PROM1: variants seen among roughly 807,000 people sequenced by gnomAD.
The protein encoded by PROM1 is prominin 1, also known as prominin-1.
PROM1 carries 105 observed loss-of-function variants against 116.9 expected under a neutral mutation model. The ratio of observed to expected loss-of-function variants is 0.90; its 90% CI spans 0.77 to 1.06. The LOEUF (loss-of-function observed/expected upper bound fraction) is 1.06. PROM1 is among the 50% of genes least tolerant of loss of function. The pLI is 0.00. For missense variants in PROM1, 1,122 were observed against 1,045.2 expected, an observed-to-expected ratio of 1.07 and a Z score of -1.01; for synonymous variants, 393 against 387.0, an observed-to-expected ratio of 1.02 and a Z score of -0.18.
At chr4:15,978,530 AC>A (rs1319858967) in intron 26 of PROM1, among the ~76,000 whole-genome samples, 1 of 152,236 alleles carries the variant, frequency 6.6e-6, no homozygotes, top group Non-Finnish European at 1.5e-5. Flanking sequence ...CTGTGGGCTT[AC>A]CTGAATGTGG....
At chr4:16,077,404 T>C (rs968183193) in intron 1 of PROM1, among the ~76,000 whole-genome samples, 46 of 152,150 alleles carry the variant, frequency 3.0e-4, no homozygotes, top group Non-Finnish European at 5.3e-4. Flanking sequence ...TCTCCACTAT[T>C]ATCCTGTGAC....
intron 2 of PROM1, among the ~76,000 whole-genome samples, chr4:16,067,091 C>T (rs1360303001): frequency 1.3e-5 from 2 of 152,146 alleles, no homozygotes; most frequent in African/African-American, 4.8e-5. Context: ...CGTCACCTGC[C>T]ACTCAAACCC....
chr4:16,013,115 G>C (rs16892779), intron 11 of PROM1, among the ~76,000 whole-genome samples, 160 bp downstream of exon 11: 5,531 of 152,128 alleles, frequency 0.036, 274 homozygotes, highest in African/African-American at 0.11. Flanking sequence ...GTTTTTAACT[G>C]TCCGAATGAC....
intron 11 of PROM1, among the ~76,000 whole-genome samples, chr4:16,009,315 C>A (rs1405680155): frequency 2.0e-5 from 3 of 152,244 alleles, no homozygotes; most frequent in Non-Finnish European, 4.4e-5. Flanking sequence ...GCTGTGAGCA[C>A]TGACTTTAAT....
intron 1 of PROM1, among the ~76,000 whole-genome samples, chr4:16,078,871 T>G (rs1341091624): frequency 6.6e-6 from 1 of 152,152 alleles, no homozygotes; most frequent in Non-Finnish European, 1.5e-5. Context: ...CTCCAATTAC[T>G]CCTGCACAAA....
At chr4:16,023,556 G>A (rs750615525) in intron 7 of PROM1, 141 bp from the exon 8 acceptor site, 58 of 627,254 alleles carry the variant, frequency 9.2e-5, no homozygotes, top group South Asian at 7.9e-5. Context: ...GGTTAAACTC[G>A]TGTATGGAGA....
At chr4:16,045,206 G>A (rs1157232913) in intron 2 of PROM1, among the ~76,000 whole-genome samples, 2 of 152,130 alleles carry the variant, frequency 1.3e-5, no homozygotes, top group African/African-American at 4.8e-5. Flanking sequence ...GCAGCTAAGA[G>A]GGACCAGGGG....
intron 5 of PROM1, among the ~76,000 whole-genome samples, chr4:16,026,144 C>G (rs1174586209): frequency 1.3e-5 from 2 of 152,120 alleles, no homozygotes; most frequent in South Asian, 2.1e-4. Context: ...TGAAAGGCAT[C>G]TTACAGGAAA....
At chr4:15,980,946 G>GTTATTTAT (rs59408018) in intron 23 of PROM1, among the ~76,000 whole-genome samples, 28,590 of 145,112 alleles carry the variant, frequency 0.2, 3,455 homozygotes, top group African/African-American at 0.34. Context: ...CTTATGAGTT[G>GTTATTTAT]TTATTTATTT....
intron 18 of PROM1, 105 bp from the exon 19 acceptor site, chr4:15,989,929 A>C: frequency 1.2e-6 from 1 of 857,902 alleles, no homozygotes; most frequent in Non-Finnish European, 1.8e-6. Flanking sequence ...CCATGACATA[A>C]GCATGCAATG....
At chr4:15,998,237 C>T (rs1278837911) in intron 15 of PROM1, 148 bp downstream of exon 15, 12 of 1,238,430 alleles carry the variant, frequency 9.7e-6, no homozygotes, top group Non-Finnish European at 1.3e-5. Context: ...GATCTAATTT[C>T]TACTGTGTCT....
chr4:16,035,402 G>A (rs767781705), intron 4 of PROM1, among the ~76,000 whole-genome samples: 2 of 152,138 alleles, frequency 1.3e-5, no homozygotes, highest in Non-Finnish European at 2.9e-5. Context: ...TTGTACATTT[G>A]ATAACACAGC....
At chr4:16,013,509 T>C (rs1727464848) in intron 10 of PROM1, among the ~76,000 whole-genome samples, 171 bp from the exon 11 acceptor site, 1 of 152,202 alleles carries the variant, frequency 6.6e-6, no homozygotes, top group Non-Finnish European at 1.5e-5. Flanking sequence ...AAATCCCCTT[T>C]AGAGAGCATT....
chr4:16,042,446 G>T (rs912653815), intron 2 of PROM1, among the ~76,000 whole-genome samples: 2 of 152,206 alleles, frequency 1.3e-5, no homozygotes, highest in African/African-American at 4.8e-5. Context: ...AGACAAGGAG[G>T]TGGGAGGAGG....
At position 16,038,935 on chromosome 4, in the gene PROM1, T is replaced by C. The variant is rs1277587152; in HGVS notation, c.276+11A>G. 2 of 1,471,524 alleles carry C rather than the reference T, an allele frequency of 1.4e-6. No homozygotes were observed. The highest frequency in any genetic ancestry group is 1.8e-6 in the Non-Finnish European group (2 of 1,109,524). The allele number at this position is 1,471,524 out of a possible 1,614,324, so 91.2% of individuals were successfully genotyped here. A position where few individuals can be genotyped will look rare whatever the true frequency, so the allele number is the denominator to read the frequency against. On this transcript the variant is annotated intron_variant, in intron 3 of 27. Coordinates refer to ENST00000447510, the MANE Select transcript of PROM1 (RefSeq NM_006017.3). ...GTATTTTTAATAATAAATACACCAA[T>C]GAAAAATTACCTTGTCATAATCAAT... is the stretch of plus-strand genomic sequence containing the variant.
chr4:15,995,508 A>G (rs192103509), intron 15 of PROM1, among the ~76,000 whole-genome samples: 1 of 152,310 alleles, frequency 6.6e-6, no homozygotes, highest in African/African-American at 2.4e-5. Context: ...GTGTTGTCTC[A>G]GGGCTCCAGA....
At chr4:15,983,000 G>T (rs1718359471) in intron 23 of PROM1, among the ~76,000 whole-genome samples, 1 of 152,218 alleles carries the variant, frequency 6.6e-6, no homozygotes, top group African/African-American at 2.4e-5. Context: ...GATACTCTGT[G>T]CCAGGTATTA....
chr4:15,984,418 C>T, intron 22 of PROM1, 63 bp from the exon 23 acceptor site: 1 of 1,281,378 alleles, frequency 7.8e-7, no homozygotes, highest in African/African-American at 1.5e-5. Context: ...AGGAATGAGA[C>T]GTGCCATTTA....
Position 15,992,305 on chromosome 4 carries a change from A to C in PROM1, c.1854T>G (p.Leu618=). The C allele has an allele frequency of 6.2e-7, 1 of 1,613,992 alleles. No individual in the cohort carries two copies. The highest frequency in any genetic ancestry group is 8.5e-7 in the Non-Finnish European group (1 of 1,179,874). ...FLLGAAGRKN[L]QDFAACGIDR... ...CTATTCCACAAGCAGCAAAATCCTG[A>C]AGGTTTTTTCTTCCTGCTGCACCCA... Residue 618 remains leucine, a synonymous_variant, in exon 17 of 28, where the codon CTT becomes CTG. Transcript: ENST00000447510.
Sources: gnomAD v4.1 joint callset for allele counts (sites outside exome capture counted in the v4.1 genomes callset) on GRCh38, gnomAD v4.1.1 for gene constraint, MANE v1.5 for transcripts, NCBI Gene and HGNC (gene_info 2026-07-23, HGNC 2026-07-21) for gene names.